Variants in THEMIS observed in about 807,000 individuals in gnomAD.
The protein encoded by THEMIS is thymocyte selection associated.
A neutral mutation model predicts 52.6 loss-of-function variants in THEMIS; 37 were observed. That is an observed-to-expected ratio of 0.70 (90% CI 0.54 to 0.93). The LOEUF (loss-of-function observed/expected upper bound fraction) is 0.93, where lower values mean the gene tolerates loss of function less well. Ranked by LOEUF, THEMIS falls within the 40% of genes least tolerant of loss-of-function variation. THEMIS has a pLI of 0.00. For synonymous variants in THEMIS, 292 were observed against 272.7 expected (o/e 1.07, Z -0.70); for missense variants, 808 against 763.1 (o/e 1.06, Z -0.69).
chr6:127,874,082 G>A lies in THEMIS; in HGVS notation c.92-18894C>T, dbSNP rs146591397. On this transcript the variant is annotated intron_variant, in intron 1 of 5. Transcript: ENST00000368248. ...GTCTCATGCTGTTTTCAAGGTTTAC[G>A]GTATAGCACTATGATGGAACGTTTG... Among the ~76,000 whole-genome samples the A allele has an allele frequency of 2.0e-4, 31 of 152,260 alleles. 1 individual carries two copies. The East Asian group carries it at 5.0e-3, about 25-fold the overall frequency.
intron 1 of THEMIS, among the ~76,000 whole-genome samples, chr6:127,862,647 T>C (rs1779845848): frequency 6.6e-6 from 1 of 151,766 alleles, no homozygotes; most frequent in African/African-American, 2.4e-5. Flanking sequence ...CTTGAACTCC[T>C]GACTTCAAGT....
intron 1 of THEMIS, among the ~76,000 whole-genome samples, chr6:127,892,643 T>C (rs1413720325): frequency 1.3e-5 from 2 of 152,204 alleles, no homozygotes; most frequent in African/African-American, 2.4e-5. Context: ...CATTCTAATA[T>C]AATCATTATT....
At chr6:127,873,657 T>C (rs796830379) in intron 1 of THEMIS, among the ~76,000 whole-genome samples, 1 of 152,174 alleles carries the variant, frequency 6.6e-6, no homozygotes, top group Admixed American at 6.5e-5. Flanking sequence ...GCACTGGCCT[T>C]GTGCAGTCAA....
chr6:127,773,955 C>T (rs1048099930), intron 4 of THEMIS, among the ~76,000 whole-genome samples: 2 of 152,100 alleles, frequency 1.3e-5, no homozygotes, highest in Admixed American at 6.5e-5. Flanking sequence ...TTATTGTCTC[C>T]ACCATTCTGT....
chr6:127,818,059 A>G (rs545049738), intron 3 of THEMIS, among the ~76,000 whole-genome samples: 1 of 152,274 alleles, frequency 6.6e-6, no homozygotes, highest in South Asian at 2.1e-4. Context: ...GAGACTAACT[A>G]TCATGGGGGA....
chr6:127,899,924 T>TATAA lies in THEMIS; in HGVS notation c.91+917_91+918insTTAT, dbSNP rs1554248219. 7.6e-5 allele frequency among the ~76,000 whole-genome samples: 11 copies of TATAA among 144,556 alleles called. 1 individual carries two copies. The East Asian group carries it at 8.0e-4, about 11-fold the overall frequency. The allele number at this position is 144,556 out of a possible 152,430, so 94.8% of individuals were successfully genotyped here. On this transcript the variant is annotated intron_variant, in intron 1 of 5. Transcript: ENST00000368248. Reference sequence around the variant, plus strand: ...TATTTTATATATATATATATATATATAATATATATAAAAACTGGAGCTGAC... The same window carrying TATAA: ...TATTTTATATATATATATATATATATATAAAATATATATAAAAACTGGAGCTGAC...
intron 1 of THEMIS, among the ~76,000 whole-genome samples, chr6:127,876,776 C>T (rs1780325811): frequency 1.3e-5 from 2 of 152,110 alleles, no homozygotes; most frequent in African/African-American, 2.4e-5. Context: ...GCTAGATCTG[C>T]CTCCACTCAG....
chr6:127,874,203 T>C (rs2114396345), intron 1 of THEMIS, among the ~76,000 whole-genome samples: 1 of 152,290 alleles, frequency 6.6e-6, no homozygotes, highest in East Asian at 1.9e-4. Flanking sequence ...GGTGTTTTAA[T>C]TGGATGCTTC....
chr6:127,798,728 C>T (rs558580239), intron 4 of THEMIS, among the ~76,000 whole-genome samples: 1 of 152,084 alleles, frequency 6.6e-6, no homozygotes, highest in Admixed American at 6.6e-5. Context: ...CGGTGGCTCA[C>T]GCCTGTAATC....
At chr6:127,798,487 A>AG (rs1414763044) in intron 4 of THEMIS, among the ~76,000 whole-genome samples, 1 of 152,210 alleles carries the variant, frequency 6.6e-6, no homozygotes, top group African/African-American at 2.4e-5. Flanking sequence ...TCTGAGTAGT[A>AG]GTTCTCTTTC....
chr6:127,835,420 T>C (rs1035133290), intron 2 of THEMIS, among the ~76,000 whole-genome samples: 1 of 152,188 alleles, frequency 6.6e-6, no homozygotes, highest in Non-Finnish European at 1.5e-5. Flanking sequence ...AGGGCTACAA[T>C]TTCATTTTTC....
Position 127,829,915 on chromosome 6 carries a change from A to G in THEMIS, c.270T>C (p.Ala90=), listed in dbSNP as rs1778643830. Residue 90 remains alanine (A), a synonymous_variant, in exon 3 of 6, where the codon GCT becomes GCC. Coordinates refer to ENST00000368248, the MANE Select transcript of THEMIS (RefSeq NM_001010923.3). ...CCATAGTAAGGTATGGAGTTTTATC[A>G]GCCACAATCTTAAAAAGACCTAAGA... ...MNFPGLFKIV[A]DKTPYLTMEE... 4.3e-6 allele frequency: 7 copies of G among 1,610,382 alleles called. No individual in the cohort carries two copies. The highest frequency in any genetic ancestry group is 5.1e-6 in the Non-Finnish European group (6 of 1,178,324).
chr6:127,748,031 G>A (rs143404990), intron 4 of THEMIS, among the ~76,000 whole-genome samples: 1 of 152,228 alleles, frequency 6.6e-6, no homozygotes, highest in African/African-American at 2.4e-5. Context: ...TATGAAGATA[G>A]CACATGCAAG....
intron 1 of THEMIS, chr6:127,868,558 C>A (rs1489810871): frequency 2.5e-6 from 2 of 802,226 alleles, no homozygotes; most frequent in Admixed American, 6.2e-5. Flanking sequence ...TTAAAGTGAC[C>A]AGCTCAGGTG....
chr6:127,743,527 A>T (rs939955858), intron 4 of THEMIS, among the ~76,000 whole-genome samples: 9 of 152,128 alleles, frequency 5.9e-5, no homozygotes, highest in South Asian at 4.1e-4. Flanking sequence ...CAGTCCTTAA[A>T]TGTAATGGGA....
intron 4 of THEMIS, among the ~76,000 whole-genome samples, chr6:127,806,676 C>A (rs1054315728): frequency 3.3e-5 from 5 of 152,092 alleles, no homozygotes; most frequent in Non-Finnish European, 5.9e-5. Flanking sequence ...TTAGTTTAAC[C>A]AATTCCTTTT....
chr6:127,778,101 T>G (rs556674805), intron 4 of THEMIS, among the ~76,000 whole-genome samples: 1 of 152,278 alleles, frequency 6.6e-6, no homozygotes, highest in East Asian at 1.9e-4. Flanking sequence ...GAAATCTCAA[T>G]GCAGTCTCAG....
At chr6:127,801,391 C>G (rs1443988115) in intron 4 of THEMIS, among the ~76,000 whole-genome samples, 1 of 152,086 alleles carries the variant, frequency 6.6e-6, no homozygotes, top group Non-Finnish European at 1.5e-5. Context: ...GAAAAATAGA[C>G]ACAAGCTCTT....
At chr6:127,699,369 G>C in the THEMIS span, among the ~76,000 whole-genome samples, 1 of 150,992 alleles carries the variant, frequency 6.6e-6, no homozygotes, top group Non-Finnish European at 1.5e-5. Context: ...ATTTAATTAA[G>C]TAACATCTCA....
Sources: allele counts gnomAD v4.1 joint callset (sites outside exome capture counted in the v4.1 genomes callset), GRCh38; gene constraint gnomAD v4.1.1; transcripts MANE v1.5; gene names NCBI Gene and HGNC (gene_info 2026-07-23, HGNC 2026-07-21).